TTC5: variants seen among roughly 807,000 people sequenced by gnomAD.
TTC5 encodes tetratricopeptide repeat protein 5.
In TTC5, 46 loss-of-function variants were observed where a neutral mutation model predicts 57.4. The ratio of observed to expected loss-of-function variants is 0.80; its 90% CI spans 0.63 to 1.03. The LOEUF (loss-of-function observed/expected upper bound fraction) is 1.03. Ranked by LOEUF, TTC5 falls within the 50% of genes least tolerant of loss-of-function variation. The probability of loss-of-function intolerance (pLI) is 0.00; values close to 1 mark genes in which losing one functional copy is unlikely to be tolerated. For synonymous variants in TTC5, 190 were observed against 203.5 expected, an observed-to-expected ratio of 0.93 and a Z score of 0.57; for missense variants, 504 against 528.1, an observed-to-expected ratio of 0.95 and a Z score of 0.45.
chr14:20,303,936 A>T (rs145131920), intron 1 of TTC5, among the ~76,000 whole-genome samples: 195 of 152,324 alleles, frequency 1.3e-3, no homozygotes, highest in African/African-American at 4.5e-3. Flanking sequence ...ATTCCTCATC[A>T]TCATTTAGAT....
At position 20,300,819 on chromosome 14, in the gene TTC5, C is replaced by A. The variant is rs1449318649; in HGVS notation, c.185-1G>T. ...ACTTGTGCCTTGCCCTGGACAGAAC[C>A]TAAGAGGAAGAAAAAAAGATAAAGT... On this transcript the variant is annotated splice_acceptor_variant, in intron 2 of 9. Transcript: ENST00000258821. LOFTEE classifies it high-confidence loss of function. 1 of 1,579,522 alleles carries A rather than the reference C, an allele frequency of 6.3e-7. No homozygotes were observed. Among genetic ancestry groups the A allele is most frequent in the Non-Finnish European group, 8.6e-7 (1 of 1,166,752 alleles).
chr14:20,296,795 C>CT (rs1251333907), intron 5 of TTC5, among the ~76,000 whole-genome samples: 69 of 152,236 alleles, frequency 4.5e-4, no homozygotes, highest in Admixed American at 8.5e-4. Context: ...GGCAGATCAC[C>CT]TGAGGTCAGG....
chr14:20,305,768 C>A, intron 1 of TTC5, 119 bp downstream of exon 1: 1 of 1,089,876 alleles, frequency 9.2e-7, no homozygotes, highest in Non-Finnish European at 1.4e-6. Flanking sequence ...TTATAGTAAC[C>A]ACACAGACGC....
intron 1 of TTC5, 57 bp downstream of exon 1, chr14:20,305,830 C>T: frequency 6.5e-7 from 1 of 1,536,438 alleles, no homozygotes; most frequent in Non-Finnish European, 9.0e-7. Flanking sequence ...ATAAACTGGA[C>T]TCCCTGCTTC....
rs1319876847 is a variant in TTC5, at chr14:20,286,628, C to T, written c.*2999G>A. ...CATAAAGCAGTAGAGGGAAAATGTC[C>T]TTATGACTTTAGGAGAGCTAAGAAC... On this transcript the variant is annotated 3_prime_UTR_variant, in exon 10 of 10. Transcript: ENST00000258821. 6.6e-6 allele frequency: 1 copy of T among 151,776 alleles called. No homozygotes were observed. The highest frequency in any genetic ancestry group is 1.5e-5 in the Non-Finnish European group (1 of 67,950). 9.4% of individuals were successfully genotyped at this position (151,776 alleles called of 1,614,324 possible). A position where few individuals can be genotyped will look rare whatever the true frequency, so the allele number is the denominator to read the frequency against.
In TTC5 at chr14:20,301,876, C is replaced by G. The variant is rs1306887066; in HGVS notation, c.141G>C (p.Gln47His). 2 of 1,614,052 alleles carry G rather than the reference C, an allele frequency of 1.2e-6. No homozygotes were observed. Among genetic ancestry groups the G allele is most frequent in the African/African-American group, 2.7e-5 (2 of 74,908 alleles). ...GCTGTAGGGTTTTCTCCATCTCCTT[C>G]TGCACATCCTGTTGCTTCCTCCCAG... ...EDAGRKQQDV[Q>H]KEMEKTLQQM... Residue 47 changes from glutamine (Q) to histidine (H), a missense_variant, in exon 2 of 10, where the codon CAG (glutamine) becomes CAC (histidine). By Grantham distance (24) the Gln-to-His change is conservative. Coordinates refer to ENST00000258821, the MANE Select transcript of TTC5 (RefSeq NM_138376.3).
Position 20,299,419 on chromosome 14 carries a change from C to T in TTC5, c.426G>A (p.Leu142=). ...HCRNKVSLQN[L]SMVLRQLRTD... Reference sequence around the variant, plus strand: ...TCCGCAGCTGACGAAGCACCATTGACAGGTTTTGCAAGGAGACTTTGTTCC... The same window carrying T: ...TCCGCAGCTGACGAAGCACCATTGATAGGTTTTGCAAGGAGACTTTGTTCC... Residue 142 remains leucine (L), a synonymous_variant, in exon 4 of 10, where the codon CTG becomes CTA. Transcript: ENST00000258821. The T allele has an allele frequency of 6.2e-7, 1 of 1,614,056 alleles. No individual in the cohort carries two copies. The highest frequency in any genetic ancestry group is 8.5e-7 in the Non-Finnish European group (1 of 1,180,034).
chr14:20,303,057 T>C (rs572627832), intron 1 of TTC5, among the ~76,000 whole-genome samples: 5 of 152,022 alleles, frequency 3.3e-5, no homozygotes, highest in Admixed American at 1.3e-4. Context: ...CCAGGCATGG[T>C]GGCGCACACC....
At chr14:20,295,954 T>C in intron 6 of TTC5, 100 bp from the exon 7 acceptor site, 1 of 1,224,826 alleles carries the variant, frequency 8.2e-7, no homozygotes, top group Non-Finnish European at 1.1e-6. Flanking sequence ...ACTGTTTTCC[T>C]TCCTGGTTAT....
chr14:20,301,940 A>C lies in TTC5; in HGVS notation c.77T>G (p.Phe26Cys). The C allele has an allele frequency of 1.2e-6, 2 of 1,614,086 alleles. No homozygotes were observed. Among genetic ancestry groups the C allele is most frequent in the Non-Finnish European group, 1.7e-6 (2 of 1,180,000 alleles). ...LQELVDQLYSFRDCYFETHSV... is the reference protein window; with the variant it reads ...LQELVDQLYSCRDCYFETHSV... Reference sequence around the variant, plus strand: ...ATGTGTCTCGAAATAGCAGTCTCGAAATGAGTAGAGCTGATCCACGAGTTC... The same window carrying C: ...ATGTGTCTCGAAATAGCAGTCTCGACATGAGTAGAGCTGATCCACGAGTTC... Residue 26 changes from phenylalanine to cysteine, a missense_variant, in exon 2 of 10, where the codon TTT (phenylalanine) becomes TGT (cysteine). Physicochemically the swap from Phe to Cys is radical, Grantham distance 205 (BLOSUM62 -2). Transcript: ENST00000258821.
Position 20,298,976 on chromosome 14 carries a change from G to A in TTC5, c.548-88C>T, listed in dbSNP as rs899257739. On this transcript the variant is annotated intron_variant, in intron 4 of 9. Coordinates refer to ENST00000258821, the MANE Select transcript of TTC5 (RefSeq NM_138376.3). ...ATCATTCTTGAAAGTATATTTGAAA[G>A]GTCCCACAAGAAATCCAAACCAGGA... The A allele has an allele frequency of 3.6e-5, 39 of 1,069,486 alleles. No homozygotes were observed. The South Asian group carries it at 5.6e-4, about 15-fold the overall frequency. 66.2% of individuals were successfully genotyped at this position (1,069,486 alleles called of 1,614,324 possible). A position where few individuals can be genotyped will look rare whatever the true frequency, so the allele number is the denominator to read the frequency against.
In TTC5 at chr14:20,298,810, G is replaced by A. The variant is rs752944790; in HGVS notation, c.626C>T (p.Ala209Val). The A allele has an allele frequency of 2.0e-5, 33 of 1,613,238 alleles. No homozygotes were observed. Among genetic ancestry groups the A allele is most frequent in the Non-Finnish European group, 2.5e-5 (30 of 1,179,162 alleles). ...ATAAGTACTTACTGCTTGGGCATAG[G>A]CACTGAGGGCTTGCTGGGAGATCTT... ...NPKISQQALS[A>V]YAQAEKVDRK... Residue 209 changes from alanine (A) to valine (V), a missense_variant, in exon 5 of 10, where the codon GCC (alanine) becomes GTC (valine). Transcript: ENST00000258821.
intron 9 of TTC5, among the ~76,000 whole-genome samples, chr14:20,291,533 T>C (rs971087471): frequency 4.6e-5 from 7 of 152,216 alleles, no homozygotes; most frequent in Non-Finnish European, 8.8e-5. Flanking sequence ...TAGCACTCAA[T>C]TAAGTGTTAA....
At chr14:20,299,520 G>T in intron 3 of TTC5, 72 bp from the exon 4 acceptor site, 1 of 1,526,938 alleles carries the variant, frequency 6.5e-7, no homozygotes, top group Non-Finnish European at 9.0e-7. Context: ...TCTGAACTCA[G>T]TCTTCTAAAT....
chr14:20,295,802 G>T lies in TTC5; in HGVS notation c.749C>A (p.Ala250Asp), dbSNP rs565880520. 1 of 1,607,134 alleles carries T rather than the reference G, an allele frequency of 6.2e-7. No individual in the cohort carries two copies. Among genetic ancestry groups the T allele is most frequent in the South Asian group, 1.1e-5 (1 of 89,772 alleles). ...TGGCCAGGCAGGGTCCAGGGCTGCAGCCCGAGAGAAGCCCTCCAGGGCCTC... is the reference window on the plus strand; with the variant it reads ...TGGCCAGGCAGGGTCCAGGGCTGCATCCCGAGAGAAGCCCTCCAGGGCCTC... The part of the protein sequence containing the change: ...YGEALEGFSR[A>D]AALDPAWPEP... The change falls in exon 7 of 10, where the codon GCT becomes GAT. Residue 250 changes from alanine to aspartate, a missense_variant. Ala to Asp is a moderately radical substitution (Grantham distance 126, BLOSUM62 -2). Transcript: ENST00000258821.
intron 9 of TTC5, among the ~76,000 whole-genome samples, chr14:20,290,399 T>C (rs1455299313): frequency 3.3e-5 from 5 of 152,224 alleles, no homozygotes; most frequent in African/African-American, 1.2e-4. Context: ...AAAGTTCTCA[T>C]AAACCAATTT....
intron 2 of TTC5, 50 bp from the exon 3 acceptor site, chr14:20,300,868 A>G (rs761635580): frequency 4.4e-5 from 64 of 1,447,502 alleles, no homozygotes; most frequent in South Asian, 6.4e-5. Flanking sequence ...GTTAAAGACC[A>G]GGGCACTTTC....
Position 20,292,113 on chromosome 14 carries a change from A to G in TTC5, c.1073T>C (p.Val358Ala). ...TGCATAGCAAGGTCCATCTGAATCT[A>G]CCAGGCCAAATGTACTACCAAGTAA... is the stretch of plus-strand genomic sequence containing the variant. ...EEKVPFTFGL[V>A]DSDGPCYAVM... The change falls in exon 9 of 10, where the codon GTA (valine) becomes GCA (alanine). Residue 358 changes from valine to alanine, a missense_variant. Val to Ala is a moderately conservative substitution (Grantham distance 64). Transcript: ENST00000258821. 6.4e-7 allele frequency: 1 copy of G among 1,573,950 alleles called. No homozygotes were observed. Among genetic ancestry groups the G allele is most frequent in the Non-Finnish European group, 8.6e-7 (1 of 1,159,680 alleles).
In TTC5 at chr14:20,295,788, G is replaced by T. The variant is rs773768059; in HGVS notation, c.763C>A (p.Pro255Thr). The part of the protein sequence containing the change: ...EGFSRAAALD[P>T]AWPEPRQREQ... ...CGTTGCCGGGGCTCTGGCCAGGCAGGGTCCAGGGCTGCAGCCCGAGAGAAG... is the reference window on the plus strand; with the variant it reads ...CGTTGCCGGGGCTCTGGCCAGGCAGTGTCCAGGGCTGCAGCCCGAGAGAAG... Residue 255 changes from proline (P) to threonine (T), a missense_variant, in exon 7 of 10, where the codon CCT (proline) becomes ACT (threonine). By Grantham distance (38) the Pro-to-Thr change is conservative. Coordinates refer to ENST00000258821, the MANE Select transcript of TTC5 (RefSeq NM_138376.3). 6 of 1,612,828 alleles carry T rather than the reference G, an allele frequency of 3.7e-6. No individual in the cohort carries two copies. Among genetic ancestry groups the T allele is most frequent in the Non-Finnish European group, 5.1e-6 (6 of 1,179,670 alleles).
Sources: allele counts gnomAD v4.1 joint callset (sites outside exome capture counted in the v4.1 genomes callset), GRCh38; gene constraint gnomAD v4.1.1; transcripts MANE v1.5; gene names NCBI Gene and HGNC (gene_info 2026-07-23, HGNC 2026-07-21).